CACNA1C: variants seen among roughly 807,000 people sequenced by gnomAD.
CACNA1C encodes voltage-dependent L-type calcium channel subunit alpha-1C.
CACNA1C carries 30 observed loss-of-function variants against 229.0 expected under a neutral mutation model. That is an observed-to-expected ratio of 0.13 (90% CI 0.10 to 0.18). The LOEUF is 0.18. CACNA1C is among the 10% of genes least tolerant of loss of function. The pLI is 1.00. For synonymous variants in CACNA1C, 1,114 were observed against 1,132.5 expected (o/e 0.98, Z 0.33); for missense variants, 1,658 against 2,845.0 (o/e 0.58, Z 9.49).
intron 1 of CACNA1C, among the ~76,000 whole-genome samples, chr12:2,078,811 T>A (rs1044150150): frequency 2.0e-5 from 3 of 152,262 alleles, no homozygotes. Context: ...ATCATGCTGC[T>A]ATAAAGACAC....
intron 30 of CACNA1C, among the ~76,000 whole-genome samples, chr12:2,638,664 C>T (rs903926200): frequency 6.6e-6 from 1 of 152,128 alleles, no homozygotes; most frequent in East Asian, 1.9e-4. Flanking sequence ...TGGAAAATGG[C>T]CAGCCCGTCA....
At chr12:2,216,984 G>A (rs1210434439) in intron 3 of CACNA1C, among the ~76,000 whole-genome samples, 2 of 152,260 alleles carry the variant, frequency 1.3e-5, no homozygotes, top group South Asian at 2.1e-4. Flanking sequence ...ATTTGTAATG[G>A]CCAAAAAGCA....
At chr12:2,193,087 G>A (rs1027336978) in intron 3 of CACNA1C, among the ~76,000 whole-genome samples, 3 of 152,240 alleles carry the variant, frequency 2.0e-5, no homozygotes, top group African/African-American at 7.2e-5. Context: ...CACCTGGAGT[G>A]AGGGGAGAAC....
rs944763022 is a variant in CACNA1C at position 2,136,166 on chromosome 12, C to T, written c.477+15736C>T. Among the ~76,000 whole-genome samples, 14 of 151,412 alleles carry T rather than the reference C, an allele frequency of 9.2e-5. 1 individual carries two copies. Among genetic ancestry groups the T allele is most frequent in the Admixed American group, 4.0e-4 (6 of 15,110 alleles). On this transcript the variant is annotated intron_variant, in intron 3 of 46. Coordinates refer to ENST00000399655, the MANE Select transcript of CACNA1C (RefSeq NM_000719.7). The stretch of plus-strand genomic sequence containing the variant: ...GGCAATGCCTCGCCCTGCTTTGGCT[C>T]GCGCACCCACTGGCCTGCGCCCACT...
intron 1 of CACNA1C, among the ~76,000 whole-genome samples, chr12:2,073,874 G>A (rs552499975): frequency 2.2e-4 from 33 of 152,314 alleles, no homozygotes; most frequent in African/African-American, 7.9e-4. Flanking sequence ...TTCAGATCCT[G>A]TGTGGATCCA....
chr12:2,105,231 C>T (rs997267452), intron 1 of CACNA1C, among the ~76,000 whole-genome samples: 2 of 152,250 alleles, frequency 1.3e-5, no homozygotes, highest in African/African-American at 4.8e-5. Context: ...GCTCCAGGCT[C>T]TTTGCCTTCT....
At chr12:2,059,647 T>C (rs986712093) in intron 1 of CACNA1C, among the ~76,000 whole-genome samples, 2 of 152,202 alleles carry the variant, frequency 1.3e-5, no homozygotes, top group Non-Finnish European at 2.9e-5. Context: ...TTAAAGGGTT[T>C]GTCAAACATA....
chr12:2,569,306 A>G (rs1187125106), intron 13 of CACNA1C, among the ~76,000 whole-genome samples: 1 of 150,318 alleles, frequency 6.7e-6, no homozygotes, highest in Non-Finnish European at 1.5e-5. Context: ...ATTTTAAAAC[A>G]TACTGAAATA....
At chr12:2,681,829 G>C (rs2097160785) in intron 42 of CACNA1C, 1 of 686,312 alleles carries the variant, frequency 1.5e-6, no homozygotes. Flanking sequence ...TGAGGATAAA[G>C]TGGGCCCAGC....
chr12:2,391,126 T>C (rs772135709), intron 3 of CACNA1C, among the ~76,000 whole-genome samples: 12 of 152,210 alleles, frequency 7.9e-5, no homozygotes, highest in Non-Finnish European at 1.3e-4. Context: ...CACACAAGCC[T>C]GCTTCAGAAG....
Position 2,493,071 on chromosome 12 carries a change from A to G in CACNA1C, c.917-119A>G. ...AAACATGTCTTGCGCTGTTGTTGCC[A>G]TGGTTGCTTTGCCCATCCCATCAAC... On this transcript the variant is annotated intron_variant, in intron 6 of 46. Transcript: ENST00000399655. The surrounding 1 kb of genome is among the most constrained non-coding windows in gnomAD (Gnocchi z 4.6). 1 of 752,150 alleles carries G rather than the reference A, an allele frequency of 1.3e-6. No individual in the cohort carries two copies. The highest frequency in any genetic ancestry group is 2.3e-6 in the Non-Finnish European group (1 of 443,314). 46.6% of individuals were successfully genotyped at this position (752,150 alleles called of 1,614,324 possible). A position where few individuals can be genotyped will look rare whatever the true frequency, so the allele number is the denominator to read the frequency against.
intron 29 of CACNA1C, among the ~76,000 whole-genome samples, chr12:2,623,969 C>A (rs908498821): frequency 6.6e-6 from 1 of 152,224 alleles, no homozygotes; most frequent in Non-Finnish European, 1.5e-5. Context: ...GACTTAGCAG[C>A]ATGGCCACCC....
intron 1 of CACNA1C, among the ~76,000 whole-genome samples, chr12:2,015,254 C>T (rs1452438027): frequency 6.6e-6 from 1 of 152,200 alleles, no homozygotes; most frequent in African/African-American, 2.4e-5. Flanking sequence ...ATTTATCCTC[C>T]TTATTCTTAA....
chr12:2,430,604 A>G (rs916601887), intron 3 of CACNA1C, among the ~76,000 whole-genome samples: 6 of 151,964 alleles, frequency 3.9e-5, no homozygotes, highest in African/African-American at 9.7e-5. Flanking sequence ...ATGAGACCCA[A>G]TGCTGGCACA....
chr12:2,326,051 G>C (rs1303708696), intron 3 of CACNA1C, among the ~76,000 whole-genome samples: 1 of 152,216 alleles, frequency 6.6e-6, no homozygotes, highest in African/African-American at 2.4e-5. Flanking sequence ...GGGCAGCAGG[G>C]GGAGGCAGGA....
chr12:1,970,789 T>C (rs916004828), upstream of CACNA1C: 10 of 201,038 alleles, frequency 5.0e-5, no homozygotes, highest in Admixed American at 4.1e-4. Flanking sequence ...CATCCCTACA[T>C]AGGCAGGGAG....
At chr12:2,489,973 T>C (rs1303723540) in intron 6 of CACNA1C, among the ~76,000 whole-genome samples, 1 of 152,266 alleles carries the variant, frequency 6.6e-6, no homozygotes, top group Non-Finnish European at 1.5e-5. Flanking sequence ...TTTAAGCAAA[T>C]TTCTCCTCAC....
chr12:2,621,773 T>G (rs116790827), intron 29 of CACNA1C, among the ~76,000 whole-genome samples: 3,814 of 152,090 alleles, frequency 0.025, 92 homozygotes, highest in African/African-American at 0.055. Flanking sequence ...CCTGAGTGGA[T>G]GGAAGAGTGG....
chr12:2,228,879 T>G (rs2063832097), intron 3 of CACNA1C, among the ~76,000 whole-genome samples: 1 of 152,058 alleles, frequency 6.6e-6, no homozygotes, highest in Admixed American at 6.5e-5. Context: ...AGAAAGAAAA[T>G]TAACATCTCT....
Sources: gnomAD v4.1 joint callset for allele counts (sites outside exome capture counted in the v4.1 genomes callset) on GRCh38, gnomAD v4.1.1 for gene constraint, Gnocchi (gnomAD v3.1) non-coding constraint, MANE v1.5 for transcripts, NCBI Gene and HGNC (gene_info 2026-07-23, HGNC 2026-07-21) for gene names.